The following CDIN1 variants were observed in gnomAD, a reference collection of about 807,000 sequenced individuals.
CDIN1 encodes the protein CDAN1 interacting nuclease 1.
A neutral mutation model predicts 45.3 loss-of-function variants in CDIN1; 33 were observed. That is an observed-to-expected ratio of 0.73 (90% CI 0.55 to 0.97). The LOEUF (loss-of-function observed/expected upper bound fraction) is 0.97. Ranked by LOEUF, CDIN1 falls within the 50% of genes least tolerant of loss-of-function variation. The probability of loss-of-function intolerance (pLI) is 0.00; values close to 1 mark genes in which losing one functional copy is unlikely to be tolerated. For missense variants in CDIN1, 303 were observed against 339.4 expected (o/e 0.89, Z 0.84); for synonymous variants, 118 against 124.4 (o/e 0.95, Z 0.34).
intron 5 of CDIN1, among the ~76,000 whole-genome samples, chr15:36,688,587 C>T (rs1020755267): frequency 2.6e-5 from 4 of 152,132 alleles, no homozygotes; most frequent in African/African-American, 9.7e-5. Context: ...AGAATGAATG[C>T]CTCTACCAAA....
chr15:36,703,879 A>C (rs1428677542), intron 8 of CDIN1, among the ~76,000 whole-genome samples: 1 of 152,182 alleles, frequency 6.6e-6, no homozygotes, highest in Non-Finnish European at 1.5e-5. Context: ...GACAAAGGCT[A>C]ACAGTCAATC....
intron 3 of CDIN1, among the ~76,000 whole-genome samples, chr15:36,648,409 A>G (rs2040432779): frequency 7.0e-6 from 1 of 142,816 alleles, no homozygotes; most frequent in Non-Finnish European, 1.5e-5. Flanking sequence ...TGTCGAGCAT[A>G]TATGTTTCCA....
At chr15:36,710,018 G>A in intron 10 of CDIN1, 57 bp downstream of exon 10, 1 of 1,296,268 alleles carries the variant, frequency 7.7e-7, no homozygotes, top group Admixed American at 2.1e-5. Flanking sequence ...AATCTCATTA[G>A]AAAAAAATAT....
chr15:36,764,658 C>T (rs2053863425), intron 10 of CDIN1, among the ~76,000 whole-genome samples: 1 of 152,210 alleles, frequency 6.6e-6, no homozygotes, highest in South Asian at 2.1e-4. Flanking sequence ...ATATCTGCAG[C>T]TGTCCCCTAA....
At chr15:36,741,173 T>G (rs1002130190) in intron 10 of CDIN1, among the ~76,000 whole-genome samples, 7 of 152,168 alleles carry the variant, frequency 4.6e-5, no homozygotes, top group African/African-American at 1.7e-4. Flanking sequence ...ATTCTGTAGT[T>G]TCAGGGCACT....
intron 10 of CDIN1, among the ~76,000 whole-genome samples, chr15:36,776,738 C>T (rs1377678039): frequency 6.6e-6 from 1 of 152,038 alleles, no homozygotes; most frequent in East Asian, 1.9e-4. Context: ...ATAATTATTT[C>T]CCTGAGTAAA....
intron 10 of CDIN1, among the ~76,000 whole-genome samples, chr15:36,740,330 C>A (rs147953776): frequency 6.6e-6 from 1 of 152,122 alleles, no homozygotes; most frequent in African/African-American, 2.4e-5. Flanking sequence ...CACTTTTAAG[C>A]TACGTAAGAG....
chr15:36,718,345 C>G (rs1028318779), intron 10 of CDIN1, among the ~76,000 whole-genome samples: 2 of 152,006 alleles, frequency 1.3e-5, no homozygotes, highest in Non-Finnish European at 2.9e-5. Flanking sequence ...TGTTCAAGAT[C>G]TTTTTTACCA....
chr15:36,581,167 T>C (rs749496327), intron 1 of CDIN1, among the ~76,000 whole-genome samples: 17 of 152,236 alleles, frequency 1.1e-4, no homozygotes, highest in Admixed American at 7.2e-4. Flanking sequence ...TTGCCAGTTC[T>C]GCACATGAAC....
chr15:36,590,152 G>T (rs1220920254), intron 1 of CDIN1, among the ~76,000 whole-genome samples: 1 of 152,048 alleles, frequency 6.6e-6, no homozygotes, highest in Admixed American at 6.6e-5. Flanking sequence ...TTCTGGCTTC[G>T]TGACAGCAAG....
intron 8 of CDIN1, among the ~76,000 whole-genome samples, chr15:36,701,325 A>G (rs1371384433): frequency 6.6e-6 from 1 of 152,144 alleles, no homozygotes; most frequent in Non-Finnish European, 1.5e-5. Context: ...CAGACAAAAT[A>G]GAAAATGTAT....
chr15:36,581,156 C>T (rs1361816953), intron 1 of CDIN1, among the ~76,000 whole-genome samples: 1 of 152,186 alleles, frequency 6.6e-6, no homozygotes, highest in East Asian at 1.9e-4. Flanking sequence ...GTCATTAACT[C>T]TTGCCAGTTC....
chr15:36,715,139 G>A (rs2043177738), intron 10 of CDIN1, among the ~76,000 whole-genome samples: 1 of 152,108 alleles, frequency 6.6e-6, no homozygotes, highest in African/African-American at 2.4e-5. Context: ...GAGCACCAGA[G>A]GAAATATGGT....
Position 36,740,196 on chromosome 15 carries a change from G to A in CDIN1, c.716+30235G>A, listed in dbSNP as rs372816682. Among the ~76,000 whole-genome samples the A allele has an allele frequency of 4.3e-4, 65 of 152,266 alleles. No homozygotes were observed. In the East Asian group the frequency reaches 6.6e-3, roughly 15 times the overall value. On this transcript the variant is annotated intron_variant, in intron 10 of 10. Transcript: ENST00000566621. ...ACATTTCTTAAACTTATTTGATGAA[G>A]GACCTCTTTTTTGCATCTAATACCT...
At chr15:36,605,144 A>G (rs886495022) in intron 1 of CDIN1, among the ~76,000 whole-genome samples, 2 of 152,146 alleles carry the variant, frequency 1.3e-5, no homozygotes, top group Admixed American at 6.5e-5. Flanking sequence ...TCTTTTAAAT[A>G]TCTATATTAT....
chr15:36,653,536 T>A, intron 3 of CDIN1, among the ~76,000 whole-genome samples: 1 of 152,058 alleles, frequency 6.6e-6, no homozygotes, highest in East Asian at 1.9e-4. Flanking sequence ...TGTGTTTTTT[T>A]CCAGTGGAGT....
intron 5 of CDIN1, chr15:36,691,203 C>A (rs1446458800): frequency 5.8e-5 from 30 of 518,262 alleles, no homozygotes; most frequent in Admixed American, 5.6e-4. Context: ...AAGATTCTTT[C>A]ATGGCTGAAA....
intron 5 of CDIN1, among the ~76,000 whole-genome samples, chr15:36,658,822 G>C (rs994837436): frequency 2.0e-5 from 3 of 151,936 alleles, no homozygotes; most frequent in Non-Finnish European, 4.4e-5. Context: ...TTTTCCCTTT[G>C]ATTTTCTTTG....
chr15:36,645,489 TTGACTTG>T (rs2040282715), intron 3 of CDIN1, among the ~76,000 whole-genome samples: 1 of 127,682 alleles, frequency 7.8e-6, no homozygotes, highest in Non-Finnish European at 1.6e-5. Context: ...TAAGGCTGTC[TTGACTTG>T]TGTGTGTGTG....
Sources: allele counts gnomAD v4.1 joint callset (sites outside exome capture counted in the v4.1 genomes callset), GRCh38; gene constraint gnomAD v4.1.1; transcripts MANE v1.5; gene names NCBI Gene and HGNC (gene_info 2026-07-23, HGNC 2026-07-21).